The following PAK1 variants were observed in gnomAD, a reference collection of about 807,000 sequenced individuals.
PAK1 encodes serine/threonine-protein kinase PAK 1.
In PAK1, 29 loss-of-function variants were observed where a neutral mutation model predicts 67.4. The ratio of observed to expected loss-of-function variants is 0.43; its 90% CI spans 0.32 to 0.59. The LOEUF (loss-of-function observed/expected upper bound fraction) is 0.59, where lower values mean the gene tolerates loss of function less well. Ranked by LOEUF, PAK1 falls within the 20% of genes least tolerant of loss-of-function variation. The pLI is 0.07. For synonymous variants in PAK1, 223 were observed against 237.4 expected (o/e 0.94, Z 0.56); for missense variants, 337 against 670.7 (o/e 0.50, Z 5.50).
chr11:77,524,727 G>A, the PAK1 span, among the ~76,000 whole-genome samples: 5 of 152,206 alleles, frequency 3.3e-5, no homozygotes, highest in African/African-American at 9.7e-5. Flanking sequence ...ATGAATGAAT[G>A]AATGAATGAA....
intron 1 of PAK1, among the ~76,000 whole-genome samples, chr11:77,423,276 T>C (rs1481677563): frequency 2.0e-5 from 3 of 150,726 alleles, no homozygotes; most frequent in African/African-American, 7.3e-5. Context: ...CTGAGAATAT[T>C]CTTCACAATT....
the PAK1 span, among the ~76,000 whole-genome samples, chr11:77,490,642 T>C: frequency 6.4e-4 from 97 of 152,298 alleles, no homozygotes; most frequent in African/African-American, 2.1e-3. Context: ...CAACAGCTCA[T>C]TGAGAACGGG....
chr11:77,436,208 C>G (rs1167810068), intron 1 of PAK1, among the ~76,000 whole-genome samples: 1 of 152,170 alleles, frequency 6.6e-6, no homozygotes, highest in Non-Finnish European at 1.5e-5. Context: ...TCAGCAGACA[C>G]TTACTCTATG....
chr11:77,381,138 A>AGAGTGT (rs1949753822), intron 2 of PAK1, among the ~76,000 whole-genome samples: 1 of 144,368 alleles, frequency 6.9e-6, no homozygotes, highest in African/African-American at 2.6e-5. Context: ...CTCACCACAG[A>AGAGTGT]GTGTGTGTGT....
intron 2 of PAK1, among the ~76,000 whole-genome samples, chr11:77,391,546 G>A (rs1951143231): frequency 3.3e-5 from 5 of 152,030 alleles, no homozygotes; most frequent in Admixed American, 3.3e-4. Context: ...TAAGAACAGG[G>A]CCCACAAATA....
intron 13 of PAK1, among the ~76,000 whole-genome samples, chr11:77,335,213 A>G (rs538918761): frequency 1.3e-5 from 2 of 152,348 alleles, no homozygotes; most frequent in African/African-American, 4.8e-5. Context: ...CTCATTCCCT[A>G]GGTGAGTGAT....
At chr11:77,457,676 C>T (rs1957140950) in intron 1 of PAK1, among the ~76,000 whole-genome samples, 1 of 152,184 alleles carries the variant, frequency 6.6e-6, no homozygotes, top group Admixed American at 6.5e-5. Context: ...TGAATGTGGA[C>T]ACCCAGTCGG....
upstream of PAK1, chr11:77,476,245 A>G (rs1958060376): frequency 6.6e-6 from 1 of 152,218 alleles, no homozygotes; most frequent in Admixed American, 6.5e-5. Flanking sequence ...CTTTACAAAC[A>G]CTGTCTTTAA....
intron 1 of PAK1, among the ~76,000 whole-genome samples, chr11:77,405,305 G>A (rs1953321399): frequency 6.6e-6 from 1 of 152,154 alleles, no homozygotes; most frequent in Admixed American, 6.5e-5. Context: ...CAGCAAGTGT[G>A]GAAAGACACT....
intron 4 of PAK1, among the ~76,000 whole-genome samples, chr11:77,375,792 C>T (rs1949013823): frequency 6.6e-6 from 1 of 152,016 alleles, no homozygotes; most frequent in African/African-American, 2.4e-5. Flanking sequence ...GCCAATTCAC[C>T]ACTAATAGAA....
chr11:77,490,478 G>A, the PAK1 span, among the ~76,000 whole-genome samples: 9 of 148,464 alleles, frequency 6.1e-5, no homozygotes, highest in South Asian at 6.4e-4. Context: ...CCCCCCGCCC[G>A]GCCAGCCGCC....
At chr11:77,528,364 T>C in the PAK1 span, among the ~76,000 whole-genome samples, 337 of 147,240 alleles carry the variant, frequency 2.3e-3, 2 homozygotes, top group South Asian at 7.9e-3. Flanking sequence ...ATATGTCTCT[T>C]TTTTTTTTTT....
intron 1 of PAK1, among the ~76,000 whole-genome samples, chr11:77,441,204 TA>T (rs369963805): frequency 0.072 from 10,413 of 145,426 alleles, 1,204 homozygotes; most frequent in African/African-American, 0.24. Context: ...AATACCGTCT[TA>T]AAAAAAAAAA....
chr11:77,386,321 T>C (rs1950446333), intron 2 of PAK1, among the ~76,000 whole-genome samples: 1 of 152,348 alleles, frequency 6.6e-6, no homozygotes, highest in South Asian at 2.1e-4. Flanking sequence ...AACACTGACA[T>C]AGTCCAATGT....
the PAK1 span, among the ~76,000 whole-genome samples, chr11:77,487,912 G>T: frequency 6.6e-6 from 1 of 152,176 alleles, no homozygotes; most frequent in South Asian, 2.1e-4. Context: ...TAGAGCCCTA[G>T]GGCCTTGAGT....
intron 1 of PAK1, among the ~76,000 whole-genome samples, chr11:77,431,364 T>G (rs1250726735): frequency 6.6e-6 from 1 of 152,168 alleles, no homozygotes; most frequent in African/African-American, 2.4e-5. Context: ...AATAGAAGTG[T>G]TATTCTCTAA....
At position 77,385,410 on chromosome 11, in the gene PAK1, A is replaced by C. The variant is rs188578101; in HGVS notation, c.191-5416T>G. 1.8e-3 allele frequency among the ~76,000 whole-genome samples: 279 copies of C among 152,380 alleles called. 3 individuals carry two copies. The highest frequency in any genetic ancestry group is 6.5e-3 in the African/African-American group (272 of 41,592). The stretch of plus-strand genomic sequence containing the variant: ...AAGGAAATAATTAATAAATTTGACC[A>C]CATTAAAATTCTATCTCACATCATG... On this transcript the variant is annotated intron_variant, in intron 2 of 14. Coordinates refer to ENST00000356341, the MANE Select transcript of PAK1 (RefSeq NM_002576.5).
chr11:77,339,263 TC>T (rs1246283394), intron 11 of PAK1, among the ~76,000 whole-genome samples: 2 of 152,138 alleles, frequency 1.3e-5, no homozygotes, highest in Non-Finnish European at 2.9e-5. Flanking sequence ...CAAAATGATT[TC>T]CCAAAGTATA....
intron 1 of PAK1, among the ~76,000 whole-genome samples, chr11:77,404,041 A>G (rs537090222): frequency 6.6e-6 from 1 of 152,286 alleles, no homozygotes; most frequent in Admixed American, 6.5e-5. Context: ...ACCACGGAAT[A>G]ACACAGCAAG....
Sources: gnomAD v4.1 joint callset for allele counts (sites outside exome capture counted in the v4.1 genomes callset) on GRCh38, gnomAD v4.1.1 for gene constraint, MANE v1.5 for transcripts, NCBI Gene and HGNC (gene_info 2026-07-23, HGNC 2026-07-21) for gene names.